The following FGGY variants were observed in gnomAD, a reference collection of about 807,000 sequenced individuals.
FGGY encodes the protein FGGY carbohydrate kinase domain containing, also known as FGGY carbohydrate kinase domain-containing protein.
A neutral mutation model predicts 71.3 loss-of-function variants in FGGY; 72 were observed. The observed-to-expected ratio is 1.01, with a 90% CI of 0.84 to 1.23. The LOEUF is 1.23. FGGY is among the 50% of genes most tolerant of loss of function. FGGY has a pLI of 0.00. For synonymous variants in FGGY, 251 were observed against 250.3 expected (o/e 1.00, Z -0.02); for missense variants, 668 against 682.3 (o/e 0.98, Z 0.23).
At chr1:59,518,129 A>G (rs1201030816) in intron 7 of FGGY, among the ~76,000 whole-genome samples, 1 of 152,224 alleles carries the variant, frequency 6.6e-6, no homozygotes, top group African/African-American at 2.4e-5. Context: ...GCTCATTTCA[A>G]TTGCAGAGCC....
chr1:59,493,132 A>ACACACACACAC (rs1200996976), intron 6 of FGGY, among the ~76,000 whole-genome samples: 1 of 54,814 alleles, frequency 1.8e-5, no homozygotes. Context: ...CACACACACA[A>ACACACACACAC]AACAGAAAGT....
chr1:59,568,454 G>A (rs1398623646), intron 8 of FGGY, among the ~76,000 whole-genome samples: 1 of 142,416 alleles, frequency 7.0e-6, no homozygotes, highest in South Asian at 2.5e-4. Flanking sequence ...AAATTCTATG[G>A]TCGGGGGGGC....
chr1:59,316,885 T>G (rs900282874), intron 1 of FGGY, among the ~76,000 whole-genome samples: 4 of 152,108 alleles, frequency 2.6e-5, no homozygotes, highest in Non-Finnish European at 4.4e-5. Context: ...CTGACCACCC[T>G]CCCCATATCC....
At chr1:59,682,024 A>T (rs2097505581) in intron 14 of FGGY, among the ~76,000 whole-genome samples, 1 of 152,232 alleles carries the variant, frequency 6.6e-6, no homozygotes, top group Non-Finnish European at 1.5e-5. Context: ...CAGAATCTTG[A>T]GTAGCATGTA....
intron 8 of FGGY, among the ~76,000 whole-genome samples, chr1:59,588,286 G>A (rs1170797727): frequency 2.0e-5 from 3 of 152,004 alleles, no homozygotes; most frequent in Non-Finnish European, 2.9e-5. Context: ...AAGAAATATG[G>A]GACTATGTGA....
At chr1:59,641,353 T>G in intron 11 of FGGY, 1 of 1,599,020 alleles carries the variant, frequency 6.3e-7, no homozygotes, top group Non-Finnish European at 8.5e-7. Context: ...TCCCCTCAGG[T>G]GACTCTTTTC....
chr1:59,590,589 C>T (rs1304544955), intron 8 of FGGY, among the ~76,000 whole-genome samples: 1 of 152,134 alleles, frequency 6.6e-6, no homozygotes, highest in African/African-American at 2.4e-5. Context: ...GCTTATCCAC[C>T]ATGATCAAGT....
intron 1 of FGGY, among the ~76,000 whole-genome samples, chr1:59,301,179 C>T (rs1022836395): frequency 2.6e-5 from 4 of 152,172 alleles, no homozygotes; most frequent in Non-Finnish European, 5.9e-5. Context: ...GTAGGTCTTA[C>T]ACATCTTTGT....
At chr1:59,724,471 G>A (rs550199701) in intron 14 of FGGY, among the ~76,000 whole-genome samples, 78 of 150,134 alleles carry the variant, frequency 5.2e-4, no homozygotes, top group Admixed American at 3.2e-3. Context: ...GCAACAGAGC[G>A]AGACTCCATC....
At chr1:59,419,777 A>T (rs1324320721) in intron 5 of FGGY, among the ~76,000 whole-genome samples, 1 of 152,200 alleles carries the variant, frequency 6.6e-6, no homozygotes, top group African/African-American at 2.4e-5. Context: ...GTCAGTGAAG[A>T]TGAATTATCC....
chr1:59,553,917 C>A (rs1048685819), intron 7 of FGGY: 1 of 441,288 alleles, frequency 2.3e-6, no homozygotes, highest in Non-Finnish European at 4.1e-6. Flanking sequence ...TTGACCAGAA[C>A]AAAGCAAAAT....
chr1:59,546,047 A>ACCGTG (rs1268274696), intron 7 of FGGY, among the ~76,000 whole-genome samples: 1 of 152,050 alleles, frequency 6.6e-6, no homozygotes, highest in Non-Finnish European at 1.5e-5. Flanking sequence ...CAAAGCACAC[A>ACCGTG]CCGTGCTGAA....
At chr1:59,611,516 G>C (rs1454591507) in intron 9 of FGGY, among the ~76,000 whole-genome samples, 1 of 152,164 alleles carries the variant, frequency 6.6e-6, no homozygotes, top group Non-Finnish European at 1.5e-5. Flanking sequence ...CATCATCAAA[G>C]ACCAAAGGTA....
intron 5 of FGGY, among the ~76,000 whole-genome samples, chr1:59,402,231 G>T (rs2062065254): frequency 6.6e-6 from 1 of 152,184 alleles, no homozygotes; most frequent in African/African-American, 2.4e-5. Context: ...GTGTGGAGTG[G>T]ACAGAGCACG....
intron 5 of FGGY, among the ~76,000 whole-genome samples, chr1:59,391,379 A>G (rs80170372): frequency 0.054 from 8,266 of 152,232 alleles, 290 homozygotes; most frequent in Non-Finnish European, 0.061. Context: ...AGGAGGAAGT[A>G]GGAGGTGCTA....
chr1:59,374,716 A>G (rs570699355), intron 4 of FGGY, among the ~76,000 whole-genome samples: 2 of 152,244 alleles, frequency 1.3e-5, no homozygotes, highest in African/African-American at 4.8e-5. Context: ...ATGGAATACT[A>G]TGCAGCCATA....
intron 8 of FGGY, among the ~76,000 whole-genome samples, chr1:59,573,024 T>G (rs1401430125): frequency 1.3e-5 from 2 of 152,170 alleles, no homozygotes; most frequent in Non-Finnish European, 2.9e-5. Context: ...ATGCCTGACT[T>G]GAATCTGATC....
chr1:59,475,143 C>T (rs12067101), intron 6 of FGGY, among the ~76,000 whole-genome samples: 9,063 of 152,060 alleles, frequency 0.06, 902 homozygotes, highest in African/African-American at 0.21. Context: ...GGAATTTTTC[C>T]TTTTTTCTGA....
intron 14 of FGGY, among the ~76,000 whole-genome samples, chr1:59,714,889 A>G (rs563542340): frequency 6.6e-6 from 1 of 152,342 alleles, no homozygotes; most frequent in Admixed American, 6.5e-5. Context: ...TACTGGCTTC[A>G]GATTCTCAGG....
Sources: allele counts gnomAD v4.1 joint callset (sites outside exome capture counted in the v4.1 genomes callset), GRCh38; gene constraint gnomAD v4.1.1; transcripts MANE v1.5; gene names NCBI Gene and HGNC (gene_info 2026-07-23, HGNC 2026-07-21).